Variants in ASTN1 observed in about 807,000 individuals in gnomAD.
ASTN1 encodes astrotactin 1, also known as astrotactin-1.
A neutral mutation model predicts 140.7 loss-of-function variants in ASTN1; 41 were observed. The ratio of observed to expected loss-of-function variants is 0.29; its 90% confidence interval spans 0.23 to 0.38. The LOEUF is 0.38. Ranked by LOEUF, ASTN1 falls within the 10% of genes least tolerant of loss-of-function variation. The probability of loss-of-function intolerance (pLI) is 1.00; values close to 1 mark genes in which losing one functional copy is unlikely to be tolerated. For synonymous variants in ASTN1, 640 were observed against 652.2 expected, an observed-to-expected ratio of 0.98 and a Z score of 0.29; for missense variants, 1,479 against 1,678.8, an observed-to-expected ratio of 0.88 and a Z score of 2.08.
chr1:176,926,001 G>T (rs1670948440), intron 16 of ASTN1, among the ~76,000 whole-genome samples: 1 of 151,878 alleles, frequency 6.6e-6, no homozygotes, highest in Non-Finnish European at 1.5e-5. Context: ...TAGAGACGGG[G>T]TTTCACCGTG....
intron 21 of ASTN1, among the ~76,000 whole-genome samples, 197 bp downstream of exon 21, chr1:176,876,340 C>T (rs1668560466): frequency 6.6e-6 from 1 of 152,084 alleles, no homozygotes. Context: ...TGGAGTAATG[C>T]AATACGATGA....
At chr1:177,114,146 T>A (rs1237451361) in intron 1 of ASTN1, among the ~76,000 whole-genome samples, 1 of 152,200 alleles carries the variant, frequency 6.6e-6, no homozygotes, top group African/African-American at 2.4e-5. Flanking sequence ...GGTTGCTTCC[T>A]CACTTTGAAA....
chr1:177,141,392 T>C (rs1465398815), intron 1 of ASTN1, among the ~76,000 whole-genome samples: 1 of 152,110 alleles, frequency 6.6e-6, no homozygotes, highest in East Asian at 1.9e-4. Context: ...AAGTCTCCAG[T>C]AAGGTAGCAT....
At chr1:176,919,689 C>G (rs1402592078) in intron 16 of ASTN1, among the ~76,000 whole-genome samples, 1 of 152,182 alleles carries the variant, frequency 6.6e-6, no homozygotes, top group African/African-American at 2.4e-5. Flanking sequence ...GCTGAAAATG[C>G]CCCCCAAACA....
Position 176,894,798 on chromosome 1 carries a change from C to A in ASTN1, c.2704G>T (p.Glu902Ter). The A allele has an allele frequency of 1.2e-6, 2 of 1,614,074 alleles. No homozygotes were observed. The highest frequency in any genetic ancestry group is 1.7e-6 in the Non-Finnish European group (2 of 1,180,044). ...AATGTCAGCACCTTGGGGTCTCTTT[C>A]CCGCTCCTCAGACTCATCTGATGGG... ...NSPSDESEERERDPKVLTFPE... is the reference protein window; with the variant it reads ...NSPSDESEER Residue 902 changes from glutamate (E) to a stop codon, truncating the protein, a stop_gained, in exon 17 of 23, where the codon GAA becomes TAA. Transcript: ENST00000361833. LOFTEE classifies it high-confidence loss of function.
intron 1 of ASTN1, among the ~76,000 whole-genome samples, chr1:177,107,260 T>C (rs935418812): frequency 8.5e-5 from 13 of 152,168 alleles, no homozygotes; most frequent in East Asian, 1.9e-4. Flanking sequence ...AGGTTAAGAC[T>C]GGCAGGTTCA....
intron 1 of ASTN1, among the ~76,000 whole-genome samples, chr1:177,079,909 T>A (rs1328922933): frequency 1.3e-5 from 2 of 152,106 alleles, no homozygotes; most frequent in African/African-American, 2.4e-5. Flanking sequence ...AGAAAAAAAA[T>A]TAAAAATGTA....
intron 2 of ASTN1, among the ~76,000 whole-genome samples, chr1:177,060,051 T>C (rs572232205): frequency 6.6e-6 from 1 of 152,336 alleles, no homozygotes; most frequent in South Asian, 2.1e-4. Flanking sequence ...CATTCACTTA[T>C]TCCACAAATA....
In ASTN1 at chr1:177,014,771, G is replaced by A; in HGVS notation, c.1523+20C>T. 1 of 1,601,154 alleles carries A rather than the reference G, an allele frequency of 6.2e-7. No individual in the cohort carries two copies. Among genetic ancestry groups the A allele is most frequent in the South Asian group, 1.1e-5 (1 of 90,732 alleles). On this transcript the variant is annotated intron_variant, in intron 8 of 22. Transcript: ENST00000361833. Reference sequence around the variant, plus strand: ...GCAGTGATATGTGGGAACCAGCTAAGTCGTCATGCCCTCACTTACCCCTGG... The same window carrying A: ...GCAGTGATATGTGGGAACCAGCTAAATCGTCATGCCCTCACTTACCCCTGG...
chr1:177,130,732 G>C (rs1400324059), intron 1 of ASTN1, among the ~76,000 whole-genome samples: 1 of 152,144 alleles, frequency 6.6e-6, no homozygotes, highest in Non-Finnish European at 1.5e-5. Flanking sequence ...ACTGTCAAGG[G>C]TAATTAAATC....
intron 1 of ASTN1, among the ~76,000 whole-genome samples, chr1:177,102,065 C>T (rs1680329257): frequency 6.6e-6 from 1 of 152,120 alleles, no homozygotes; most frequent in Non-Finnish European, 1.5e-5. Flanking sequence ...TGAAATGGGT[C>T]CCACTAATTA....
At chr1:177,045,784 G>C (rs1424877211) in intron 2 of ASTN1, among the ~76,000 whole-genome samples, 2 of 152,122 alleles carry the variant, frequency 1.3e-5, no homozygotes, top group Non-Finnish European at 1.5e-5. Context: ...TAATCTAACT[G>C]TTCCTGCTCC....
chr1:177,035,410 T>A (rs1245134871), intron 2 of ASTN1, among the ~76,000 whole-genome samples: 1 of 152,174 alleles, frequency 6.6e-6, no homozygotes, highest in African/African-American at 2.4e-5. Flanking sequence ...AGAGTAACTA[T>A]TCAAATACTC....
Position 176,936,003 on chromosome 1 carries a change from A to G in ASTN1, c.2482+263T>C. ...CACATACTGGATGAGCCCAGGAAAA[A>G]TTATACCTTCAATGGCTCCAGTCTT... is the stretch of plus-strand genomic sequence containing the variant. On this transcript the variant is annotated intron_variant, in intron 15 of 22. Coordinates refer to ENST00000361833, the MANE Select transcript of ASTN1 (RefSeq NM_004319.3). 7.8e-6 allele frequency: 4 copies of G among 515,980 alleles called. No individual in the cohort carries two copies. In the South Asian group the frequency reaches 8.0e-5, roughly 10 times the overall value. 32.0% of individuals were successfully genotyped at this position (515,980 alleles called of 1,614,324 possible).
At chr1:177,079,764 CA>C (rs889996492) in intron 1 of ASTN1, among the ~76,000 whole-genome samples, 2 of 152,116 alleles carry the variant, frequency 1.3e-5, no homozygotes, top group African/African-American at 2.4e-5. Flanking sequence ...ATGAACTCCA[CA>C]CCCCCACTGA....
At chr1:177,055,408 C>T (rs1292514420) in intron 2 of ASTN1, among the ~76,000 whole-genome samples, 1 of 152,200 alleles carries the variant, frequency 6.6e-6, no homozygotes, top group African/African-American at 2.4e-5. Flanking sequence ...TGACATGGTC[C>T]CCAAATGGAC....
intron 1 of ASTN1, among the ~76,000 whole-genome samples, chr1:177,141,079 G>T (rs1422185658): frequency 6.6e-6 from 1 of 152,086 alleles, no homozygotes; most frequent in African/African-American, 2.4e-5. Context: ...AGCCGGACGT[G>T]GTGGCAGGCA....
chr1:177,051,225 C>A (rs1000106184), intron 2 of ASTN1, among the ~76,000 whole-genome samples: 9 of 152,230 alleles, frequency 5.9e-5, no homozygotes, highest in African/African-American at 2.2e-4. Context: ...GTCTTTCACA[C>A]TGCAAATAGA....
At chr1:177,157,859 AT>A (rs1268680917) in intron 1 of ASTN1, among the ~76,000 whole-genome samples, 3 of 151,996 alleles carry the variant, frequency 2.0e-5, no homozygotes, top group South Asian at 2.1e-4. Context: ...AAATTGTACT[AT>A]TTTTTTCAGC....
Sources: gnomAD v4.1 joint callset for allele counts (sites outside exome capture counted in the v4.1 genomes callset) on GRCh38, gnomAD v4.1.1 for gene constraint, MANE v1.5 for transcripts, NCBI Gene and HGNC (gene_info 2026-07-23, HGNC 2026-07-21) for gene names.